The following SHANK2 variants were observed in gnomAD, a reference collection of about 807,000 sequenced individuals.
The protein encoded by SHANK2 is SH3 and multiple ankyrin repeat domains protein 2.
A neutral mutation model predicts 133.7 loss-of-function variants in SHANK2; 43 were observed. That is an observed-to-expected ratio of 0.32 (90% CI 0.25 to 0.41). The LOEUF is 0.41. Ranked by LOEUF, SHANK2 falls within the 10% of genes least tolerant of loss-of-function variation. The pLI is 1.00. For synonymous variants in SHANK2, 1,017 were observed against 952.8 expected, an observed-to-expected ratio of 1.07 and a Z score of -1.24; for missense variants, 1,994 against 2,235.8, an observed-to-expected ratio of 0.89 and a Z score of 2.18.
At chr11:70,866,386 A>G (rs1432200308) in intron 11 of SHANK2, among the ~76,000 whole-genome samples, 1 of 152,200 alleles carries the variant, frequency 6.6e-6, no homozygotes, top group Non-Finnish European at 1.5e-5. Context: ...GAAATGGTCA[A>G]AAGAGCCACA....
chr11:71,180,048 T>C (rs782570194), intron 2 of SHANK2, among the ~76,000 whole-genome samples: 1 of 152,224 alleles, frequency 6.6e-6, no homozygotes, highest in Non-Finnish European at 1.5e-5. Context: ...TCCCGGGAGC[T>C]GACAACCAGT....
intron 14 of SHANK2, among the ~76,000 whole-genome samples, chr11:70,751,753 T>C (rs1946753294): frequency 6.6e-6 from 1 of 152,186 alleles, no homozygotes; most frequent in African/African-American, 2.4e-5. Context: ...GCGATCTATA[T>C]GGTGGTAAGG....
intron 10 of SHANK2, among the ~76,000 whole-genome samples, chr11:70,933,518 T>C (rs994394039): frequency 2.6e-5 from 4 of 152,220 alleles, no homozygotes; most frequent in Middle Eastern, 3.2e-3. Context: ...AATTTTAGGT[T>C]ATGTGTATTT....
Position 71,110,071 on chromosome 11 carries a change from T to C in SHANK2, c.484-22A>G, listed in dbSNP as rs1555098840. On this transcript the variant is annotated intron_variant, in intron 5 of 25. Coordinates refer to ENST00000601538, the MANE Select transcript of SHANK2 (RefSeq NM_012309.5). ...TGGTCTAGAAGGAAAAACAATACAA[T>C]TGAAACATCTTTATAAGAAATGTCC... The C allele has an allele frequency of 5.4e-6, 8 of 1,470,456 alleles. No individual in the cohort carries two copies. The Admixed American group carries it at 7.9e-5, about 14-fold the overall frequency. The allele number at this position is 1,470,456 out of a possible 1,614,324, so 91.1% of individuals were successfully genotyped here. A position where few individuals can be genotyped will look rare whatever the true frequency, so the allele number is the denominator to read the frequency against.
chr11:71,231,769 G>A (rs994759058), intron 1 of SHANK2, among the ~76,000 whole-genome samples: 3 of 152,102 alleles, frequency 2.0e-5, no homozygotes, highest in Non-Finnish European at 4.4e-5. Flanking sequence ...TGTGCCTGTA[G>A]TCTCAGCTAC....
intron 11 of SHANK2, chr11:70,863,944 G>A (rs113305784): frequency 0.022 from 9,466 of 426,732 alleles, 211 homozygotes; most frequent in Non-Finnish European, 0.03. Flanking sequence ...GTGAGAGAAT[G>A]TTTCTGATAA....
chr11:70,549,628 C>T (rs371287303), intron 17 of SHANK2, among the ~76,000 whole-genome samples: 26 of 152,128 alleles, frequency 1.7e-4, no homozygotes, highest in Non-Finnish European at 2.6e-4. Context: ...CCGAGGTCCC[C>T]GGCCAGGGAC....
intron 14 of SHANK2, among the ~76,000 whole-genome samples, chr11:70,731,327 G>C (rs1946285563): frequency 6.6e-6 from 1 of 152,202 alleles, no homozygotes; most frequent in South Asian, 2.1e-4. Flanking sequence ...CTCCAGAACA[G>C]TGAAAAAGTA....
At chr11:70,636,600 TGA>T (rs1327360143) in intron 17 of SHANK2, among the ~76,000 whole-genome samples, 7 of 151,078 alleles carry the variant, frequency 4.6e-5, no homozygotes, top group East Asian at 2.0e-4. Flanking sequence ...TGTGAGTGTA[TGA>T]GTGTGTGTAT....
chr11:70,913,111 C>T (rs1228187700), intron 10 of SHANK2, among the ~76,000 whole-genome samples: 4 of 150,806 alleles, frequency 2.7e-5, no homozygotes, highest in Non-Finnish European at 5.9e-5. Context: ...CCTACCCTCC[C>T]ATCCTCTCAC....
chr11:70,707,727 C>T (rs902164286), intron 14 of SHANK2, among the ~76,000 whole-genome samples: 13 of 152,260 alleles, frequency 8.5e-5, no homozygotes, highest in East Asian at 1.9e-4. Context: ...CCCCAGCATC[C>T]GGCCTGGGGA....
At chr11:70,677,800 G>A (rs1944931611) in intron 15 of SHANK2, among the ~76,000 whole-genome samples, 1 of 152,186 alleles carries the variant, frequency 6.6e-6, no homozygotes, top group African/African-American at 2.4e-5. Flanking sequence ...GACCACCAAA[G>A]CCAGGGTCCT....
At chr11:70,496,569 T>G (rs1429720788) in intron 21 of SHANK2, among the ~76,000 whole-genome samples, 3 of 152,206 alleles carry the variant, frequency 2.0e-5, no homozygotes, top group African/African-American at 7.2e-5. Context: ...TGGTGGAAGT[T>G]CTGGGCCGAT....
chr11:70,782,847 G>A (rs1425658725), intron 14 of SHANK2, among the ~76,000 whole-genome samples: 3 of 152,312 alleles, frequency 2.0e-5, no homozygotes, highest in South Asian at 2.1e-4. Context: ...CACGCAGCAC[G>A]TCCGCAGCGG....
At chr11:71,135,254 C>T (rs1952413884) in intron 3 of SHANK2, among the ~76,000 whole-genome samples, 1 of 152,170 alleles carries the variant, frequency 6.6e-6, no homozygotes, top group East Asian at 1.9e-4. Flanking sequence ...AGATACCCAG[C>T]ATTCACTCGG....
At position 70,646,820 on chromosome 11, in the gene SHANK2, T is replaced by G. The variant is rs987277104; in HGVS notation, c.2061+13008A>C. ...CTCCAGTTATTAAAAGGAATCTAAC[T>G]TTTATTTATTTTATTTATTTATTTA... On this transcript the variant is annotated intron_variant, in intron 17 of 25. Coordinates refer to ENST00000601538, the MANE Select transcript of SHANK2 (RefSeq NM_012309.5). Among the ~76,000 whole-genome samples, 12 of 140,138 alleles carry G rather than the reference T, an allele frequency of 8.6e-5. No homozygotes were observed. The South Asian group carries it at 2.4e-3, about 29-fold the overall frequency. 91.9% of individuals were successfully genotyped at this position (140,138 alleles called of 152,430 possible). A position where few individuals can be genotyped will look rare whatever the true frequency, so the allele number is the denominator to read the frequency against.
chr11:70,818,689 C>T (rs182943083), intron 12 of SHANK2, among the ~76,000 whole-genome samples: 212 of 152,316 alleles, frequency 1.4e-3, no homozygotes, highest in Non-Finnish European at 2.5e-3. Context: ...AGCTGGACCT[C>T]CTTGTTTGGC....
intron 15 of SHANK2, 174 bp from the exon 16 acceptor site, chr11:70,661,852 G>A (rs1324525384): frequency 1.9e-6 from 3 of 1,581,558 alleles, no homozygotes; most frequent in East Asian, 4.5e-5. Flanking sequence ...GAAGGAAGAG[G>A]GGGGTGGCTA....
chr11:70,876,186 AC>A (rs1949558590), intron 11 of SHANK2, among the ~76,000 whole-genome samples: 1 of 151,822 alleles, frequency 6.6e-6, no homozygotes, highest in African/African-American at 2.4e-5. Context: ...ATATATACAC[AC>A]ACGTATATAC....
Sources: gnomAD v4.1 joint callset for allele counts (sites outside exome capture counted in the v4.1 genomes callset) on GRCh38, gnomAD v4.1.1 for gene constraint, MANE v1.5 for transcripts, NCBI Gene and HGNC (gene_info 2026-07-23, HGNC 2026-07-21) for gene names.